The following FRYL variants were observed in gnomAD, a reference collection of about 807,000 sequenced individuals.
FRYL encodes FRY like transcription coactivator.
In FRYL, 150 loss-of-function variants were observed where a neutral mutation model predicts 351.2. That is an observed-to-expected ratio of 0.43 (90% confidence interval 0.37 to 0.49). The LOEUF (loss-of-function observed/expected upper bound fraction) is 0.49. Ranked by LOEUF, FRYL falls within the 20% of genes least tolerant of loss-of-function variation. The pLI is 0.00. For synonymous variants in FRYL, 1,153 were observed against 1,257.1 expected, an observed-to-expected ratio of 0.92 and a Z score of 1.75; for missense variants, 3,036 against 3,619.3, an observed-to-expected ratio of 0.84 and a Z score of 4.13.
intron 3 of FRYL, among the ~76,000 whole-genome samples, chr4:48,663,333 A>ATAATT (rs61678667): frequency 0.18 from 1,338 of 7,468 alleles, 17 homozygotes; most frequent in Middle Eastern, 0.33. Context: ...AATTAAATAT[A>ATAATT]TAATTTAATT....
rs1241929264 is a variant in FRYL, at chr4:48,521,065, T to C, written c.7672A>G (p.Asn2558Asp). 6.2e-7 allele frequency: 1 copy of C among 1,611,152 alleles called. No homozygotes were observed. The highest frequency in any genetic ancestry group is 8.5e-7 in the Non-Finnish European group (1 of 1,178,542). The change falls in exon 55 of 64, where the codon AAC becomes GAC. Residue 2558 changes from asparagine (N) to aspartate (D), a missense_variant. Physicochemically the swap from Asn to Asp is conservative, Grantham distance 23. Around this residue, in one of 7 missense-constraint regions of FRYL, gnomAD observed 1,987 missense variants for 2,311.7 expected, o/e 0.86. Transcript: ENST00000358350. ...PTLEASLDNA[N>D]SRLPEDTTSV... The stretch of plus-strand genomic sequence containing the variant: ...CTCCCCACCTCAGGCAGCCGGCTGT[T>C]AGCATTATCTAGAGAAGCCTCCAAA...
chr4:48,608,340 A>G (rs1291810886), intron 9 of FRYL, among the ~76,000 whole-genome samples: 1 of 152,200 alleles, frequency 6.6e-6, no homozygotes, highest in Non-Finnish European at 1.5e-5. Context: ...AACACATCTA[A>G]GAAAATATAA....
chr4:48,632,108 A>ATATATATGTG (rs1753282576), intron 4 of FRYL, among the ~76,000 whole-genome samples: 2 of 64,406 alleles, frequency 3.1e-5, no homozygotes, highest in African/African-American at 8.9e-5. Context: ...ATATATATAT[A>ATATATATGTG]TATATATATA....
At chr4:48,510,798 T>G (rs1204383307) in intron 58 of FRYL, 37 bp downstream of exon 58, 11 of 1,516,386 alleles carry the variant, frequency 7.3e-6, no homozygotes. Context: ...GCCATTCCAA[T>G]GTAGTCTTTA....
intron 15 of FRYL, among the ~76,000 whole-genome samples, chr4:48,594,557 A>G (rs1205322950): frequency 1.3e-5 from 2 of 152,236 alleles, no homozygotes; most frequent in African/African-American, 4.8e-5. Flanking sequence ...TTTTTTGAAC[A>G]CTTGATCTAA....
intron 3 of FRYL, among the ~76,000 whole-genome samples, chr4:48,662,140 A>G (rs1200389237): frequency 6.6e-6 from 1 of 152,224 alleles, no homozygotes; most frequent in Non-Finnish European, 1.5e-5. Flanking sequence ...GAAGGAGTGA[A>G]TGGAAAATAT....
chr4:48,638,260 A>C (rs1184919332), intron 3 of FRYL: 1 of 152,126 alleles, frequency 6.6e-6, no homozygotes, highest in Non-Finnish European at 1.5e-5. Flanking sequence ...CATAACATAC[A>C]ATTGCTTAGT....
intron 33 of FRYL, 147 bp from the exon 34 acceptor site, chr4:48,557,859 AT>A: frequency 1.3e-6 from 1 of 799,616 alleles, no homozygotes; most frequent in South Asian, 1.9e-5. Context: ...CTTTTAGCAA[AT>A]TTCACCTCAA....
At chr4:48,662,767 A>G (rs80137719) in intron 3 of FRYL, among the ~76,000 whole-genome samples, 2 of 892 alleles carry the variant, frequency 2.2e-3, no homozygotes, top group South Asian at 0.1. Context: ...CTCCTGAAGA[A>G]AAAAAAAAAA....
At chr4:48,644,891 T>C (rs532066999) in intron 3 of FRYL, among the ~76,000 whole-genome samples, 2 of 151,462 alleles carry the variant, frequency 1.3e-5, no homozygotes, top group South Asian at 4.1e-4. Flanking sequence ...AATGATACCA[T>C]AAACAAGACA....
At position 48,623,187 on chromosome 4, in the gene FRYL, T is replaced by TAAAAA; in HGVS notation, c.121-13_121-9dup. 9.2e-7 allele frequency: 1 copy of TAAAAA among 1,091,558 alleles called. No homozygotes were observed. Among genetic ancestry groups the TAAAAA allele is most frequent in the Non-Finnish European group, 1.3e-6 (1 of 789,016 alleles). 67.6% of individuals were successfully genotyped at this position (1,091,558 alleles called of 1,614,324 possible). ...TCTGGACAATAGCTTCTCCTATGAT[T>TAAAAA]AAAAAAAACAAACATTAAAAATAAA... On this transcript the variant is annotated splice_polypyrimidine_tract_variant and intron_variant, in intron 4 of 63. Transcript: ENST00000358350.
At chr4:48,552,215 T>C (rs1027643373) in intron 36 of FRYL, among the ~76,000 whole-genome samples, 4 of 151,612 alleles carry the variant, frequency 2.6e-5, no homozygotes, top group Admixed American at 2.0e-4. Context: ...TGTGTATATG[T>C]GTGTGTATAA....
intron 49 of FRYL, among the ~76,000 whole-genome samples, chr4:48,533,184 A>G (rs544993457): frequency 6.6e-5 from 10 of 152,262 alleles, no homozygotes; most frequent in African/African-American, 2.2e-4. Flanking sequence ...GGTTCTGAAC[A>G]TAAGAAATGT....
At chr4:48,736,804 C>T (rs1437197564) in intron 1 of FRYL, among the ~76,000 whole-genome samples, 5 of 140,284 alleles carry the variant, frequency 3.6e-5, no homozygotes, top group African/African-American at 5.3e-5. Context: ...GAGCCAAGAT[C>T]GCACCACTGC....
At chr4:48,641,065 C>T (rs1311840733) in intron 3 of FRYL, among the ~76,000 whole-genome samples, 1 of 152,084 alleles carries the variant, frequency 6.6e-6, no homozygotes, top group African/African-American at 2.4e-5. Context: ...GGAATAATAG[C>T]AAATAGCAAA....
At position 48,684,126 on chromosome 4, in the gene FRYL, A is replaced by T. The variant is rs117823494; in HGVS notation, c.-81+547T>A. Among the ~76,000 whole-genome samples the T allele has an allele frequency of 3.3e-5, 5 of 152,332 alleles. No individual in the cohort carries two copies. In the East Asian group the frequency reaches 7.7e-4, roughly 23 times the overall value. On this transcript the variant is annotated intron_variant, in intron 3 of 63. Coordinates refer to ENST00000358350, the MANE Select transcript of FRYL (RefSeq NM_015030.2). ...GGGATAGGATTAGGTGTTATAGAAG[A>T]TCCCACAGATTTTTCTCTGATTTCC... is the stretch of plus-strand genomic sequence containing the variant.
At chr4:48,585,301 T>C (rs1741873145) in intron 19 of FRYL, among the ~76,000 whole-genome samples, 2 of 152,200 alleles carry the variant, frequency 1.3e-5, no homozygotes, top group Admixed American at 1.3e-4. Context: ...TAATGCAAAG[T>C]AACCCCTTTC....
In FRYL at chr4:48,576,083, G is replaced by A. The variant is rs376571442; in HGVS notation, c.2668C>T (p.Pro890Ser). 43 of 1,613,628 alleles carry A rather than the reference G, an allele frequency of 2.7e-5. No homozygotes were observed. Among genetic ancestry groups the A allele is most frequent in the Non-Finnish European group, 3.3e-5 (39 of 1,179,876 alleles). ...GGGGTAGACGCCAGCGTCTCAGGAG[G>A]AGAACATCTCACAGAACCTGCAGAT... ...STSAGSVRCS[P>S]PETLASTPDS... Residue 890 changes from proline to serine, a missense_variant, in exon 24 of 64, where the codon CCT becomes TCT. By Grantham distance (74) the Pro-to-Ser change is moderately conservative. Around this residue, in one of 7 missense-constraint regions of FRYL, gnomAD observed 492 missense variants for 551.5 expected, o/e 0.89. Transcript: ENST00000358350.
intron 3 of FRYL, chr4:48,638,571 C>G (rs1754715618): frequency 6.6e-6 from 1 of 151,976 alleles, no homozygotes; most frequent in Admixed American, 6.6e-5. Flanking sequence ...GATCTGGAAC[C>G]AGAAATAACA....
Sources: gnomAD v4.1 joint callset for allele counts (sites outside exome capture counted in the v4.1 genomes callset) on GRCh38, gnomAD v4.1.1 for gene constraint, gnomAD v4.1.1 regional missense constraint, MANE v1.5 for transcripts, NCBI Gene and HGNC (gene_info 2026-07-23, HGNC 2026-07-21) for gene names.